FAT3: variants seen among roughly 807,000 people sequenced by gnomAD.
FAT3 encodes the protein protocadherin Fat 3.
In FAT3, 95 loss-of-function variants were observed where a neutral mutation model predicts 310.2. The ratio of observed to expected loss-of-function variants is 0.31; its 90% CI spans 0.26 to 0.36. FAT3 has a LOEUF of 0.36. Ranked by LOEUF, FAT3 falls within the 10% of genes least tolerant of loss-of-function variation. The pLI is 1.00. For missense variants in FAT3, 5,408 were observed against 5,715.6 expected, an observed-to-expected ratio of 0.95 and a Z score of 1.74; for synonymous variants, 2,314 against 2,192.9, an observed-to-expected ratio of 1.06 and a Z score of -1.54.
chr11:92,705,844 T>C (rs1944320736), intron 4 of FAT3, among the ~76,000 whole-genome samples: 1 of 98,146 alleles, frequency 1.0e-5, no homozygotes, highest in Non-Finnish European at 2.1e-5. Context: ...GGTGGTGGTG[T>C]GATGGTGGTA....
At chr11:92,409,716 G>T (rs891721421) in intron 2 of FAT3, among the ~76,000 whole-genome samples, 6 of 152,140 alleles carry the variant, frequency 3.9e-5, no homozygotes, top group Non-Finnish European at 8.8e-5. Flanking sequence ...AGTTCCATAA[G>T]ATAATGACCA....
chr11:92,646,864 AT>A (rs1942187408), intron 3 of FAT3, among the ~76,000 whole-genome samples: 1 of 152,208 alleles, frequency 6.6e-6, no homozygotes, highest in South Asian at 2.1e-4. Flanking sequence ...GGCCATCACC[AT>A]TTTTGGAAGG....
intron 3 of FAT3, among the ~76,000 whole-genome samples, chr11:92,530,989 CT>C (rs1477335612): frequency 1.3e-5 from 2 of 151,344 alleles, no homozygotes; most frequent in African/African-American, 4.8e-5. Context: ...GTTTTTTGTT[CT>C]TTGTTTCTTT....
intron 6 of FAT3, among the ~76,000 whole-genome samples, chr11:92,772,540 T>C (rs78704250): frequency 1.3e-5 from 2 of 152,000 alleles, no homozygotes; most frequent in African/African-American, 4.8e-5. Flanking sequence ...CTTCAAACAA[T>C]TTTTTTGGAG....
In FAT3 at chr11:92,684,359, T is replaced by A. The variant is rs186058747; in HGVS notation, c.3608-13025T>A. 6.9e-4 allele frequency among the ~76,000 whole-genome samples: 105 copies of A among 152,208 alleles called. 1 individual carries two copies. Among genetic ancestry groups the A allele is most frequent in the African/African-American group, 2.2e-3 (90 of 41,536 alleles). ...TGGAGATCAATCTTGGGATGAAAAG[T>A]AATGGTGAAAGGAAAGAAAGTCCCG... is the stretch of plus-strand genomic sequence containing the variant. On this transcript the variant is annotated intron_variant, in intron 3 of 27. Transcript: ENST00000525166.
chr11:92,291,112 C>CACACACAT (rs1286856710), intron 1 of FAT3, among the ~76,000 whole-genome samples: 4 of 151,130 alleles, frequency 2.6e-5, no homozygotes, highest in African/African-American at 9.8e-5. Context: ...CACACACACA[C>CACACACAT]ACACATGCAC....
chr11:92,801,775 C>T lies in FAT3; in HGVS notation c.8762C>T (p.Ala2921Val), dbSNP rs777762058. 1.4e-5 allele frequency: 22 copies of T among 1,613,784 alleles called. No individual in the cohort carries two copies. The Admixed American group carries it at 3.7e-4, about 27-fold the overall frequency. ...AGAGTGACAGATATAAATGACAATG[C>T]ACCAGTCTTCGCGCAGGAAGTGTAC... ...SVRVTDINDN[A>V]PVFAQEVYRG... Residue 2921 changes from alanine (A) to valine (V), a missense_variant, in exon 10 of 28, where the codon GCA becomes GTA. Ala to Val is a moderately conservative substitution (Grantham distance 64, BLOSUM62 0). This residue lies in a region of FAT3 where 4,588 missense variants were observed against 4,809.8 expected (regional missense o/e 0.95). Coordinates refer to ENST00000525166, the MANE Select transcript of FAT3 (RefSeq NM_001367949.2).
Position 92,691,196 on chromosome 11 carries a change from T to C in FAT3, c.3608-6188T>C, listed in dbSNP as rs183512477. 1.4e-3 allele frequency among the ~76,000 whole-genome samples: 214 copies of C among 152,248 alleles called. 2 individuals carry two copies. The highest frequency in any genetic ancestry group is 5.0e-3 in the South Asian group (24 of 4,818). On this transcript the variant is annotated intron_variant, in intron 3 of 27. Transcript: ENST00000525166. Reference sequence around the variant, plus strand: ...ACACTGAAAAGATGCATTACGACTTTCCTAGATGAAGAAACTGAGGCCTAG... The same window carrying C: ...ACACTGAAAAGATGCATTACGACTTCCCTAGATGAAGAAACTGAGGCCTAG...
At chr11:92,432,159 C>T (rs575625237) in intron 2 of FAT3, among the ~76,000 whole-genome samples, 4 of 152,206 alleles carry the variant, frequency 2.6e-5, no homozygotes, top group African/African-American at 7.2e-5. Flanking sequence ...TTGTTTGTAT[C>T]CTCTTTTATT....
intron 18 of FAT3, among the ~76,000 whole-genome samples, chr11:92,841,425 A>G (rs546553493): frequency 6.6e-6 from 1 of 152,318 alleles, no homozygotes; most frequent in South Asian, 2.1e-4. Context: ...AATGGTGACA[A>G]TAATAGCAAT....
At chr11:92,577,823 T>A (rs1036095982) in intron 3 of FAT3, among the ~76,000 whole-genome samples, 1 of 152,084 alleles carries the variant, frequency 6.6e-6, no homozygotes, top group Admixed American at 6.6e-5. Context: ...GATATGCAAT[T>A]TTTTTCTTTT....
chr11:92,524,517 G>A, intron 2 of FAT3, 117 bp from the exon 3 acceptor site: 2 of 852,996 alleles, frequency 2.3e-6, no homozygotes, highest in Non-Finnish European at 3.5e-6. Flanking sequence ...CTTATGTTAT[G>A]GATTTGGGTG....
chr11:92,767,433 C>T (rs1423981076), intron 6 of FAT3, among the ~76,000 whole-genome samples: 2 of 152,068 alleles, frequency 1.3e-5, no homozygotes, highest in African/African-American at 4.8e-5. Flanking sequence ...TCACATCTCT[C>T]CCTGGCATGA....
intron 2 of FAT3, among the ~76,000 whole-genome samples, chr11:92,359,367 G>A (rs1244314397): frequency 1.3e-5 from 2 of 152,138 alleles, no homozygotes; most frequent in East Asian, 3.9e-4. Context: ...AATGCCTTCC[G>A]AATGGATAAA....
intron 1 of FAT3, among the ~76,000 whole-genome samples, chr11:92,335,529 C>T (rs1314731510): frequency 6.6e-6 from 1 of 152,128 alleles, no homozygotes; most frequent in Admixed American, 6.5e-5. Flanking sequence ...AGGTGTTCTG[C>T]ACCTTATATA....
At chr11:92,637,417 G>C (rs1440401312) in intron 3 of FAT3, among the ~76,000 whole-genome samples, 3 of 152,134 alleles carry the variant, frequency 2.0e-5, no homozygotes, top group Non-Finnish European at 2.9e-5. Flanking sequence ...TGCACCATTT[G>C]TTTCAGTAAC....
intron 3 of FAT3, among the ~76,000 whole-genome samples, chr11:92,551,730 A>G (rs1382611029): frequency 6.6e-6 from 1 of 152,142 alleles, no homozygotes; most frequent in Non-Finnish European, 1.5e-5. Context: ...TAAATTACTC[A>G]TCTAGCTAAG....
intron 1 of FAT3, among the ~76,000 whole-genome samples, chr11:92,314,586 G>C (rs577302208): frequency 6.6e-6 from 1 of 152,124 alleles, no homozygotes; most frequent in Non-Finnish European, 1.5e-5. Flanking sequence ...GCAGTTACAG[G>C]CTGCCAGTAC....
At chr11:92,748,753 C>T (rs2136047090) in intron 4 of FAT3, 1 of 152,258 alleles carries the variant, frequency 6.6e-6, no homozygotes, top group East Asian at 1.9e-4. Context: ...TAAGAGAAAC[C>T]ACATGTAATG....
Sources: allele counts gnomAD v4.1 joint callset (sites outside exome capture counted in the v4.1 genomes callset), GRCh38; gene constraint gnomAD v4.1.1; regional missense constraint gnomAD v4.1.1; transcripts MANE v1.5; gene names NCBI Gene and HGNC (gene_info 2026-07-23, HGNC 2026-07-21).